Variants in FCHSD2 observed in about 807,000 individuals in gnomAD.
FCHSD2 encodes the protein FCH and double SH3 domains 2.
Under a neutral mutation model 108.1 loss-of-function variants are expected in FCHSD2, and 38 were observed. The ratio of observed to expected loss-of-function variants is 0.35; its 90% CI spans 0.27 to 0.46. The LOEUF is 0.46. Among genes scored for constraint, FCHSD2 ranks in the 20% least tolerant of loss-of-function variants. The pLI is 1.00. For synonymous variants in FCHSD2, 279 were observed against 314.7 expected (o/e 0.89, Z 1.20); for missense variants, 751 against 897.8 (o/e 0.84, Z 2.09).
At chr11:72,914,280 G>A (rs1459131958) in intron 9 of FCHSD2, among the ~76,000 whole-genome samples, 3 of 152,158 alleles carry the variant, frequency 2.0e-5, no homozygotes, top group Non-Finnish European at 4.4e-5. Context: ...CTCCCAAAGT[G>A]CTGGGATTAC....
At chr11:72,903,172 A>G (rs911588690) in intron 9 of FCHSD2, among the ~76,000 whole-genome samples, 1 of 151,420 alleles carries the variant, frequency 6.6e-6, no homozygotes, top group African/African-American at 2.4e-5. Context: ...CCAAGAAGAC[A>G]GGCTAGAAAG....
At chr11:72,923,366 G>T (rs1008759179) in intron 8 of FCHSD2, among the ~76,000 whole-genome samples, 5 of 152,068 alleles carry the variant, frequency 3.3e-5, no homozygotes, top group African/African-American at 1.2e-4. Flanking sequence ...TAATTTTGAG[G>T]AACTGTCAAA....
chr11:73,097,288 G>A (rs894472632), intron 2 of FCHSD2, among the ~76,000 whole-genome samples: 5 of 151,528 alleles, frequency 3.3e-5, no homozygotes, highest in South Asian at 2.1e-4. Flanking sequence ...GATTGCAGGC[G>A]TGTAATCCCA....
At chr11:72,938,252 C>T (rs1429578892) in intron 8 of FCHSD2, among the ~76,000 whole-genome samples, 1 of 149,584 alleles carries the variant, frequency 6.7e-6, no homozygotes, top group Non-Finnish European at 1.5e-5. Context: ...GGCACGATCT[C>T]GGCTCACTGC....
chr11:72,971,821 T>C (rs1474215323), intron 8 of FCHSD2, among the ~76,000 whole-genome samples: 1 of 152,176 alleles, frequency 6.6e-6, no homozygotes, highest in East Asian at 1.9e-4. Context: ...AACTGTGAGA[T>C]AATAAATGGA....
intron 13 of FCHSD2, among the ~76,000 whole-genome samples, chr11:72,857,975 A>G (rs1471266209): frequency 6.6e-6 from 1 of 152,132 alleles, no homozygotes; most frequent in Non-Finnish European, 1.5e-5. Flanking sequence ...AATTTCAATG[A>G]CCTCGTCTCT....
intron 8 of FCHSD2, among the ~76,000 whole-genome samples, chr11:72,924,807 T>C (rs1233935299): frequency 6.6e-6 from 1 of 152,120 alleles, no homozygotes; most frequent in Non-Finnish European, 1.5e-5. Context: ...ACTGCAAATA[T>C]TATTACTATG....
intron 3 of FCHSD2, among the ~76,000 whole-genome samples, chr11:73,080,463 CA>C (rs893820188): frequency 2.0e-5 from 3 of 151,050 alleles, no homozygotes; most frequent in Non-Finnish European, 3.0e-5. Flanking sequence ...ATGTATTTAA[CA>C]AAAAAAAGAC....
In FCHSD2 at chr11:72,838,739, A is replaced by C. The variant is rs1245845287; in HGVS notation, c.*52T>G. The C allele has an allele frequency of 5.7e-5, 85 of 1,494,726 alleles. No homozygotes were observed. Among genetic ancestry groups the C allele is most frequent in the Non-Finnish European group, 7.7e-5 (84 of 1,093,782 alleles). The allele number at this position is 1,494,726 out of a possible 1,614,324, so 92.6% of individuals were successfully genotyped here. On this transcript the variant is annotated 3_prime_UTR_variant, in exon 20 of 20. Coordinates refer to ENST00000409418, the MANE Select transcript of FCHSD2 (RefSeq NM_014824.3). ...AGGTGCCTAAAAAACAAGACTGGCCAAACTCCAAGCCTGGCCTTGATTGTA... is the reference window on the plus strand; with the variant it reads ...AGGTGCCTAAAAAACAAGACTGGCCCAACTCCAAGCCTGGCCTTGATTGTA...
At chr11:73,107,379 C>T (rs1244352572) in intron 2 of FCHSD2, among the ~76,000 whole-genome samples, 1 of 152,024 alleles carries the variant, frequency 6.6e-6, no homozygotes, top group Non-Finnish European at 1.5e-5. Context: ...TGTAGGTATA[C>T]AGCAGGTGTA....
chr11:72,851,247 T>C (rs1298292082), intron 13 of FCHSD2, among the ~76,000 whole-genome samples: 1 of 152,038 alleles, frequency 6.6e-6, no homozygotes, highest in East Asian at 1.9e-4. Context: ...AAACATACCA[T>C]TGATCTAGCA....
intron 2 of FCHSD2, among the ~76,000 whole-genome samples, chr11:73,115,492 T>A (rs1179765220): frequency 1.3e-5 from 2 of 152,184 alleles, no homozygotes; most frequent in Non-Finnish European, 2.9e-5. Flanking sequence ...ATCTTATATA[T>A]CTTTTCCAAC....
intron 6 of FCHSD2, among the ~76,000 whole-genome samples, chr11:72,986,957 CTACCATCTGA>C (rs1370236971): frequency 6.6e-6 from 1 of 152,166 alleles, no homozygotes; most frequent in East Asian, 1.9e-4. Flanking sequence ...TACTATGTAA[CTACCATCTGA>C]TAGGCAACTG....
chr11:72,882,753 A>G (rs1168171282), intron 12 of FCHSD2, among the ~76,000 whole-genome samples: 1 of 152,248 alleles, frequency 6.6e-6, no homozygotes, highest in Non-Finnish European at 1.5e-5. Context: ...ATGAATTAGA[A>G]GACTCAATAT....
At chr11:72,936,620 A>C (rs1266898100) in intron 8 of FCHSD2, among the ~76,000 whole-genome samples, 10 of 152,210 alleles carry the variant, frequency 6.6e-5, no homozygotes, top group Non-Finnish European at 1.2e-4. Context: ...AATTTAGAAA[A>C]GAAATAAAAA....
intron 8 of FCHSD2, among the ~76,000 whole-genome samples, chr11:72,944,985 T>C (rs773440853): frequency 2.6e-5 from 4 of 152,098 alleles, no homozygotes; most frequent in African/African-American, 9.7e-5. Flanking sequence ...CCAAGGTAAA[T>C]TATAGATTCA....
chr11:72,966,816 G>A (rs1354828636), intron 8 of FCHSD2, among the ~76,000 whole-genome samples: 1 of 152,156 alleles, frequency 6.6e-6, no homozygotes, highest in Non-Finnish European at 1.5e-5. Context: ...CCTGACGCTA[G>A]AAGAAAATAT....
rs577821689 is a variant in FCHSD2, at chr11:73,092,034, C to A, written c.120-8294G>T. Reference sequence around the variant, plus strand: ...TGGGCGACAGAATGAGACTCACTCTCAAAAAAAAACAAAACCTAGCTGAAA... The same window carrying A: ...TGGGCGACAGAATGAGACTCACTCTAAAAAAAAAACAAAACCTAGCTGAAA... On this transcript the variant is annotated intron_variant, in intron 2 of 19. Coordinates refer to ENST00000409418, the MANE Select transcript of FCHSD2 (RefSeq NM_014824.3). 8.0e-4 allele frequency among the ~76,000 whole-genome samples: 120 copies of A among 150,080 alleles called. 1 individual carries two copies. The highest frequency in any genetic ancestry group is 2.9e-3 in the African/African-American group (119 of 40,932).
At chr11:72,931,520 A>G (rs544279752) in intron 8 of FCHSD2, among the ~76,000 whole-genome samples, 207 of 151,840 alleles carry the variant, frequency 1.4e-3, no homozygotes, top group Non-Finnish European at 2.5e-3. Context: ...TAATCCCAGC[A>G]CTTTGGGAGG....
Sources: gnomAD v4.1 joint callset for allele counts (sites outside exome capture counted in the v4.1 genomes callset) on GRCh38, gnomAD v4.1.1 for gene constraint, MANE v1.5 for transcripts, NCBI Gene and HGNC (gene_info 2026-07-23, HGNC 2026-07-21) for gene names.